The following KATNA1 variants were observed in gnomAD, a reference collection of about 807,000 sequenced individuals.
The protein encoded by KATNA1 is katanin p60 ATPase-containing subunit A1.
In KATNA1, 42 loss-of-function variants were observed where a neutral mutation model predicts 62.6. That is an observed-to-expected ratio of 0.67 (90% CI 0.52 to 0.87). The LOEUF is 0.87. Among genes scored for constraint, KATNA1 ranks in the 40% least tolerant of loss-of-function variants. The pLI is 0.00. For missense variants in KATNA1, 498 were observed against 612.5 expected (o/e 0.81, Z 1.97); for synonymous variants, 186 against 201.9 (o/e 0.92, Z 0.67).
chr6:149,618,472 C>T (rs1363914868), intron 4 of KATNA1, among the ~76,000 whole-genome samples: 2 of 150,752 alleles, frequency 1.3e-5, no homozygotes, highest in Non-Finnish European at 2.9e-5. Context: ...AGCGAGACTT[C>T]GTCTCAAAAA....
chr6:149,595,890 C>A (rs1421904921), intron 10 of KATNA1, among the ~76,000 whole-genome samples: 1 of 152,204 alleles, frequency 6.6e-6, no homozygotes, highest in African/African-American at 2.4e-5. Flanking sequence ...TAGATTAGGA[C>A]AAAACCTACT....
At chr6:149,613,839 T>C (rs1478821318) in intron 4 of KATNA1, among the ~76,000 whole-genome samples, 1 of 152,178 alleles carries the variant, frequency 6.6e-6, no homozygotes, top group African/African-American at 2.4e-5. Context: ...AGTTGGGCCT[T>C]TGAGAGGGGA....
At chr6:149,630,615 A>G (rs992472385) in intron 3 of KATNA1, among the ~76,000 whole-genome samples, 9 of 152,184 alleles carry the variant, frequency 5.9e-5, no homozygotes, top group Non-Finnish European at 1.0e-4. Flanking sequence ...GCGAAAGAGC[A>G]AGACTCTGTC....
intron 3 of KATNA1, among the ~76,000 whole-genome samples, chr6:149,628,676 C>T (rs978093913): frequency 1.3e-5 from 2 of 151,546 alleles, no homozygotes; most frequent in Non-Finnish European, 2.9e-5. Flanking sequence ...AAAAATTAGC[C>T]GGGCATGGTG....
intron 1 of KATNA1, among the ~76,000 whole-genome samples, chr6:149,640,848 C>T (rs977828676): frequency 2.8e-5 from 4 of 144,484 alleles, no homozygotes; most frequent in Admixed American, 6.9e-5. Flanking sequence ...TGCCTGGCCT[C>T]GGGTATTTTT....
chr6:149,618,656 T>G (rs149408765), intron 4 of KATNA1, among the ~76,000 whole-genome samples: 112 of 152,154 alleles, frequency 7.4e-4, no homozygotes, highest in African/African-American at 2.1e-3. Flanking sequence ...TGGAACAGAA[T>G]AGAGAATCCG....
intron 3 of KATNA1, among the ~76,000 whole-genome samples, chr6:149,626,467 TG>T (rs1366239731): frequency 6.8e-6 from 1 of 147,644 alleles, no homozygotes; most frequent in African/African-American, 2.5e-5. Context: ...GCTAATTTTT[TG>T]TATTTTTAGT....
At chr6:149,627,444 T>TAAA (rs1489613962) in intron 3 of KATNA1, among the ~76,000 whole-genome samples, 1 of 147,886 alleles carries the variant, frequency 6.8e-6, no homozygotes, top group East Asian at 2.0e-4. Context: ...TGCATGCCTG[T>TAAA]AATCCCAGCT....
At chr6:149,624,143 T>C (rs1019269677) in intron 3 of KATNA1, among the ~76,000 whole-genome samples, 7 of 152,166 alleles carry the variant, frequency 4.6e-5, no homozygotes, top group African/African-American at 1.7e-4. Flanking sequence ...AATCTGAAAA[T>C]CCACAATCTA....
At chr6:149,635,263 C>T (rs930454305) in intron 2 of KATNA1, among the ~76,000 whole-genome samples, 1 of 151,754 alleles carries the variant, frequency 6.6e-6, no homozygotes, top group Non-Finnish European at 1.5e-5. Context: ...GGGAACAGAC[C>T]GAGACTCTGC....
At chr6:149,638,711 C>A in intron 1 of KATNA1, 151 bp from the exon 2 acceptor site, 2 of 378,012 alleles carry the variant, frequency 5.3e-6, no homozygotes, top group Non-Finnish European at 9.4e-6. Context: ...TGCTATTTCA[C>A]TCCTTTAAAA....
chr6:149,598,133 A>C, intron 8 of KATNA1, 91 bp downstream of exon 8: 1 of 1,424,610 alleles, frequency 7.0e-7, no homozygotes, highest in South Asian at 1.3e-5. Flanking sequence ...AGCTTGGGTT[A>C]GCACTATGAG....
chr6:149,611,457 T>G (rs1295409944), intron 4 of KATNA1, among the ~76,000 whole-genome samples: 1 of 98,964 alleles, frequency 1.0e-5, no homozygotes. Context: ...AGCAAAACTC[T>G]GTCTCAAAAA....
At position 149,604,742 on chromosome 6, in the gene KATNA1, T is replaced by G. The variant is rs1348137299; in HGVS notation, c.542A>C (p.Lys181Thr). ...TTTATCATATCCGGTACTATCAAAT[T>G]TATTTGTCTCTGGTTCTGTTACTGC... ...PAAVTEPETNKFDSTGYDKDL... is the reference protein window; with the variant it reads ...PAAVTEPETNTFDSTGYDKDL... Residue 181 changes from lysine (K) to threonine (T), a missense_variant, in exon 5 of 11, where the codon AAA becomes ACA. Coordinates refer to ENST00000367411, the MANE Select transcript of KATNA1 (RefSeq NM_007044.4). 6.2e-7 allele frequency: 1 copy of G among 1,613,472 alleles called. No homozygotes were observed. Among genetic ancestry groups the G allele is most frequent in the South Asian group, 1.1e-5 (1 of 91,074 alleles).
chr6:149,633,851 G>C (rs1246022019), intron 2 of KATNA1, among the ~76,000 whole-genome samples: 1 of 152,114 alleles, frequency 6.6e-6, no homozygotes, highest in Non-Finnish European at 1.5e-5. Context: ...AGCTACTCGG[G>C]AGGCTGAGGC....
intron 1 of KATNA1, among the ~76,000 whole-genome samples, chr6:149,645,400 G>A (rs1490513147): frequency 6.7e-6 from 1 of 148,438 alleles, no homozygotes; most frequent in African/African-American, 2.5e-5. Flanking sequence ...CCAAGCTCGC[G>A]CCACTGCACT....
At chr6:149,629,758 T>C (rs1236376614) in intron 3 of KATNA1, among the ~76,000 whole-genome samples, 2 of 152,168 alleles carry the variant, frequency 1.3e-5, no homozygotes, top group Non-Finnish European at 2.9e-5. Context: ...TGGTTAACTA[T>C]ATATAGGTTA....
chr6:149,616,135 T>C (rs1779159092), intron 4 of KATNA1, among the ~76,000 whole-genome samples: 1 of 152,116 alleles, frequency 6.6e-6, no homozygotes, highest in Admixed American at 6.6e-5. Context: ...GATCTGAAAA[T>C]GAATGGTTGT....
chr6:149,632,746 G>A lies in KATNA1; in HGVS notation c.320+13C>T, dbSNP rs746879529. 5.6e-6 allele frequency: 9 copies of A among 1,596,606 alleles called. No homozygotes were observed. The African/African-American group carries it at 1.2e-4, about 22-fold the overall frequency. On this transcript the variant is annotated intron_variant, in intron 3 of 10. Transcript: ENST00000367411. ...TCTTGGGATAACTGGTTTCTTAAAA[G>A]GTTTCCACTTACCTTCGTTCAACAG...
Sources: gnomAD v4.1 joint callset for allele counts (sites outside exome capture counted in the v4.1 genomes callset) on GRCh38, gnomAD v4.1.1 for gene constraint, MANE v1.5 for transcripts, NCBI Gene and HGNC (gene_info 2026-07-23, HGNC 2026-07-21) for gene names.